Variants in CYFIP2 observed in about 807,000 individuals in gnomAD.
CYFIP2 encodes cytoplasmic FMR1 interacting protein 2.
CYFIP2 carries 29 observed loss-of-function variants against 158.7 expected under a neutral mutation model. The ratio of observed to expected loss-of-function variants is 0.18; its 90% CI spans 0.14 to 0.25. The LOEUF (loss-of-function observed/expected upper bound fraction) is 0.25. Ranked by LOEUF, CYFIP2 falls within the 10% of genes least tolerant of loss-of-function variation. The pLI, the probability that CYFIP2 is intolerant of heterozygous loss-of-function variation, is 1.00. For synonymous variants in CYFIP2, 585 were observed against 617.6 expected (o/e 0.95, Z 0.78); for missense variants, 852 against 1,639.5 (o/e 0.52, Z 8.29).
intron 26 of CYFIP2, among the ~76,000 whole-genome samples, chr5:157,379,740 T>G (rs1013763186): frequency 6.7e-6 from 1 of 148,946 alleles, no homozygotes; most frequent in Non-Finnish European, 1.5e-5. Flanking sequence ...CATCAAATAT[T>G]TAAGGAGGAA....
At chr5:157,369,071 GTATTTTTAGTAGAGA>G (rs1210342594) in intron 26 of CYFIP2, among the ~76,000 whole-genome samples, 6 of 151,928 alleles carry the variant, frequency 3.9e-5, no homozygotes, top group African/African-American at 1.5e-4. Context: ...GCTAGTTTTT[GTATTTTTAGTAGAGA>G]TAGGGTTTCA....
rs1351137424 is a variant in CYFIP2 at position 157,394,279 on chromosome 5, T to C, written c.*1279T>C. ...AGGAAGGACAAAAGGCTTTAGGATATAAATTTCATGTTACAGAGCATGTCA... is the reference window on the plus strand; with the variant it reads ...AGGAAGGACAAAAGGCTTTAGGATACAAATTTCATGTTACAGAGCATGTCA... On this transcript the variant is annotated 3_prime_UTR_variant, in exon 31 of 31. Coordinates refer to ENST00000620254, the MANE Select transcript of CYFIP2 (RefSeq NM_001037333.3). 8 of 152,316 alleles carry C rather than the reference T, an allele frequency of 5.3e-5. No homozygotes were observed. The South Asian group carries it at 1.0e-3, about 20-fold the overall frequency. The allele number at this position is 152,316 out of a possible 1,614,324, so 9.4% of individuals were successfully genotyped here.
At chr5:157,340,770 A>G (rs1211266769) in intron 22 of CYFIP2, among the ~76,000 whole-genome samples, 1 of 152,152 alleles carries the variant, frequency 6.6e-6, no homozygotes, top group African/African-American at 2.4e-5. Flanking sequence ...GAGGTAGAGG[A>G]GTGGAGCCCT....
At chr5:157,343,680 G>A (rs10061992) in intron 23 of CYFIP2, 287,791 of 720,810 alleles carry the variant, frequency 0.4, 61,731 homozygotes, top group African/African-American at 0.69. Flanking sequence ...AATGGAGGCC[G>A]AGAGGTTCTG....
At chr5:157,371,705 T>A (rs1765010788) in intron 26 of CYFIP2, among the ~76,000 whole-genome samples, 1 of 152,212 alleles carries the variant, frequency 6.6e-6, no homozygotes, top group Non-Finnish European at 1.5e-5. Context: ...TCCATCAGTT[T>A]TAAATTAACT....
At chr5:157,379,487 C>CA (rs35238882) in intron 26 of CYFIP2, among the ~76,000 whole-genome samples, 17,801 of 149,552 alleles carry the variant, frequency 0.12, 1,317 homozygotes, top group African/African-American at 0.21. Flanking sequence ...AAACTTCCAA[C>CA]AAAAAAAAAC....
intron 8 of CYFIP2, among the ~76,000 whole-genome samples, chr5:157,305,897 T>C (rs1245005132): frequency 6.6e-6 from 1 of 152,248 alleles, no homozygotes; most frequent in Non-Finnish European, 1.5e-5. Context: ...TGCATGACCA[T>C]GTATCCATTT....
chr5:157,373,740 AAT>A (rs1357422587), intron 26 of CYFIP2, among the ~76,000 whole-genome samples: 1 of 152,212 alleles, frequency 6.6e-6, no homozygotes. Flanking sequence ...CTTATTTTAA[AAT>A]ATATGCTGAA....
chr5:157,387,808 C>G (rs181820261), intron 28 of CYFIP2, among the ~76,000 whole-genome samples: 1 of 152,120 alleles, frequency 6.6e-6, no homozygotes, highest in Non-Finnish European at 1.5e-5. Flanking sequence ...CCCTCTCCTT[C>G]GTGTTTAAAA....
Position 157,325,609 on chromosome 5 carries a change from C to A in CYFIP2, c.1953C>A (p.Ile651=). ...MSMPWILTDH[I]LETKEPSMME... ...TGCCCTGGATTCTAACGGACCATAT[C>A]CTGGAAACCAAAGAACCTTCCATGA... Residue 651 remains isoleucine (I), a synonymous_variant, in exon 17 of 31, where the codon ATC becomes ATA. Coordinates refer to ENST00000620254, the MANE Select transcript of CYFIP2 (RefSeq NM_001037333.3). 2 of 1,611,334 alleles carry A rather than the reference C, an allele frequency of 1.2e-6. No individual in the cohort carries two copies. Among genetic ancestry groups the A allele is most frequent in the Non-Finnish European group, 8.5e-7 (1 of 1,178,570 alleles).
chr5:157,391,574 A>G (rs1470618793), intron 30 of CYFIP2, among the ~76,000 whole-genome samples: 2 of 152,178 alleles, frequency 1.3e-5, no homozygotes, highest in East Asian at 1.9e-4. Context: ...TTTAGTTAGG[A>G]TGTCTTCAAG....
Position 157,326,202 on chromosome 5 carries a change from G to A in CYFIP2, c.2014G>A (p.Asp672Asn), listed in dbSNP as rs774796737. Residue 672 changes from aspartate (D) to asparagine (N), a missense_variant, in exon 18 of 31, where the codon GAC becomes AAC. Around this residue, in one of 8 missense-constraint regions of CYFIP2, gnomAD observed 167 missense variants for 343.3 expected, o/e 0.49. Transcript: ENST00000620254. ...CCTCTACCCTCTGGATCTGTACAAC[G>A]ACAGCGCCTACTATGCTCTGACCAA... is the stretch of plus-strand genomic sequence containing the variant. ...YVLYPLDLYN[D>N]SAYYALTKFK... The A allele has an allele frequency of 6.8e-6, 11 of 1,613,812 alleles. No individual in the cohort carries two copies. The highest frequency in any genetic ancestry group is 9.3e-6 in the Non-Finnish European group (11 of 1,179,854).
intron 26 of CYFIP2, among the ~76,000 whole-genome samples, chr5:157,373,680 T>C (rs1241456107): frequency 6.6e-6 from 1 of 152,228 alleles, no homozygotes; most frequent in African/African-American, 2.4e-5. Context: ...ATGCTGATAG[T>C]ATATACTAAA....
rs1054798253 is a variant in CYFIP2, at chr5:157,393,901, A to G, written c.*901A>G. 1.3e-5 allele frequency: 2 copies of G among 152,234 alleles called. No homozygotes were observed. The highest frequency in any genetic ancestry group is 4.8e-5 in the African/African-American group (2 of 41,458). 9.4% of individuals were successfully genotyped at this position (152,234 alleles called of 1,614,324 possible). A position where few individuals can be genotyped will look rare whatever the true frequency, so the allele number is the denominator to read the frequency against. On this transcript the variant is annotated 3_prime_UTR_variant, in exon 31 of 31. Transcript: ENST00000620254. ...CGTCTTGGCACAGAATTGCTTATCA[A>G]GGAACATTTCCACAAGAAAGAAAAT...
At chr5:157,267,539 C>A (rs1755705065) in intron 1 of CYFIP2, among the ~76,000 whole-genome samples, 1 of 152,196 alleles carries the variant, frequency 6.6e-6, no homozygotes, top group Admixed American at 6.5e-5. Flanking sequence ...CTGGTGGCCT[C>A]CCACCTCCAC....
chr5:157,344,663 T>C (rs1284747647), intron 23 of CYFIP2, among the ~76,000 whole-genome samples: 1 of 152,232 alleles, frequency 6.6e-6, no homozygotes, highest in Non-Finnish European at 1.5e-5. Context: ...GAGACAGTCA[T>C]AGTCAGCCTA....
intron 18 of CYFIP2, among the ~76,000 whole-genome samples, chr5:157,327,398 C>T (rs1255547386): frequency 3.5e-4 from 53 of 152,134 alleles, no homozygotes; most frequent in Non-Finnish European, 2.6e-4. Context: ...AACCCCGTCT[C>T]TACTAAAAAT....
intron 3 of CYFIP2, among the ~76,000 whole-genome samples, chr5:157,290,747 C>T (rs57076693): frequency 0.11 from 15,993 of 152,190 alleles, 1,203 homozygotes; most frequent in East Asian, 0.26. Context: ...GTGTCTTCCT[C>T]GTGCCTTCCC....
At chr5:157,280,348 C>G (rs936488785) in intron 1 of CYFIP2, among the ~76,000 whole-genome samples, 2 of 151,004 alleles carry the variant, frequency 1.3e-5, no homozygotes, top group Non-Finnish European at 2.9e-5. Flanking sequence ...AGGCACCCAC[C>G]ACCACGCCTG....
Sources: allele counts gnomAD v4.1 joint callset (sites outside exome capture counted in the v4.1 genomes callset), GRCh38; gene constraint gnomAD v4.1.1; regional missense constraint gnomAD v4.1.1; transcripts MANE v1.5; gene names NCBI Gene and HGNC (gene_info 2026-07-23, HGNC 2026-07-21).